The following JAK2 variants were observed in gnomAD, a reference collection of about 807,000 sequenced individuals.
The protein encoded by JAK2 is Janus kinase 2.
In JAK2, 86 loss-of-function variants were observed where a neutral mutation model predicts 139.3. That is an observed-to-expected ratio of 0.62 (90% CI 0.52 to 0.74). The LOEUF (loss-of-function observed/expected upper bound fraction) is 0.74. Among genes scored for constraint, JAK2 ranks in the 30% least tolerant of loss-of-function variants. The pLI, the probability that JAK2 is intolerant of heterozygous loss-of-function variation, is 0.00. For missense variants in JAK2, 1,421 were observed against 1,360.3 expected (o/e 1.04, Z -0.70); for synonymous variants, 490 against 437.7 (o/e 1.12, Z -1.49).
chr9:5,118,346 T>C (rs149300742), intron 22 of JAK2, among the ~76,000 whole-genome samples: 84 of 152,360 alleles, frequency 5.5e-4, no homozygotes, highest in African/African-American at 1.9e-3. Flanking sequence ...ATTTGGATAA[T>C]CTTATGATCA....
chr9:5,028,563 A>G (rs893467785), intron 3 of JAK2, among the ~76,000 whole-genome samples: 3 of 152,224 alleles, frequency 2.0e-5, no homozygotes, highest in African/African-American at 7.2e-5. Context: ...ACTTCTTTCT[A>G]GCTATGAAAC....
chr9:5,065,130 GA>G (rs200999582), intron 9 of JAK2, 90 bp downstream of exon 9: 14,313 of 776,790 alleles, frequency 0.018, 345 homozygotes, highest in Non-Finnish European at 0.017. Context: ...TGTATGTTTA[GA>G]AAAAAATAAT....
intron 22 of JAK2, among the ~76,000 whole-genome samples, chr9:5,101,257 A>G (rs1586795730): frequency 6.6e-6 from 1 of 152,318 alleles, no homozygotes; most frequent in Non-Finnish European, 1.5e-5. Context: ...CAGGTCCCAC[A>G]CCCACGGAGC....
chr9:5,097,398 A>C (rs1247185189), intron 22 of JAK2: 1 of 152,114 alleles, frequency 6.6e-6, no homozygotes, highest in Non-Finnish European at 1.5e-5. Context: ...TCCTTATTCT[A>C]TCAGGCTTTG....
chr9:5,023,122 T>C (rs114126924), intron 3 of JAK2, among the ~76,000 whole-genome samples: 67 of 152,350 alleles, frequency 4.4e-4, no homozygotes, highest in African/African-American at 1.5e-3. Context: ...TCTGTCTGTA[T>C]TTTTGTGCCC....
chr9:5,026,076 C>A (rs1349193997), intron 3 of JAK2, among the ~76,000 whole-genome samples: 1 of 152,112 alleles, frequency 6.6e-6, no homozygotes, highest in East Asian at 1.9e-4. Context: ...TTTGTTACTT[C>A]TCCCTATTGG....
intron 2 of JAK2, among the ~76,000 whole-genome samples, chr9:4,990,607 G>T (rs1563909114): frequency 6.6e-6 from 1 of 151,756 alleles, no homozygotes; most frequent in African/African-American, 2.4e-5. Flanking sequence ...AGGAGACAAA[G>T]AAAAAAACAG....
At chr9:5,053,007 T>C (rs1817525695) in intron 6 of JAK2, among the ~76,000 whole-genome samples, 1 of 152,052 alleles carries the variant, frequency 6.6e-6, no homozygotes, top group Non-Finnish European at 1.5e-5. Flanking sequence ...TTCTTGTGCA[T>C]ATATTTAGGA....
In JAK2 at chr9:5,106,167, A is replaced by G. The variant is rs560797020; in HGVS notation, c.3059+15256A>G. On this transcript the variant is annotated intron_variant, in intron 22 of 24. Transcript: ENST00000381652. ...AATTTTTGCAATCTACCCATCAGAC[A>G]AAGGGCTAATATCCAAAATCTACAA... Among the ~76,000 whole-genome samples the G allele has an allele frequency of 2.0e-5, 3 of 152,348 alleles. No homozygotes were observed. The South Asian group carries it at 6.2e-4, about 32-fold the overall frequency.
chr9:5,072,676 T>C, intron 13 of JAK2, 50 bp downstream of exon 13: 1 of 1,369,152 alleles, frequency 7.3e-7, no homozygotes, highest in Non-Finnish European at 9.8e-7. Flanking sequence ...TTTAAAGATG[T>C]GCTCTCATAT....
At chr9:5,075,958 T>C (rs1819281289) in intron 14 of JAK2, among the ~76,000 whole-genome samples, 1 of 152,040 alleles carries the variant, frequency 6.6e-6, no homozygotes, top group Non-Finnish European at 1.5e-5. Context: ...TTGGAAAAAG[T>C]TCATTCTAAC....
chr9:4,992,073 A>G (rs908951520), intron 2 of JAK2, among the ~76,000 whole-genome samples: 8 of 152,314 alleles, frequency 5.3e-5, no homozygotes, highest in African/African-American at 9.6e-5. Flanking sequence ...TTGCTCCACA[A>G]TGGCTACTAG....
intron 8 of JAK2, among the ~76,000 whole-genome samples, chr9:5,061,794 G>C (rs549718718): frequency 1.3e-5 from 2 of 152,270 alleles, no homozygotes; most frequent in South Asian, 4.1e-4. Context: ...TTCAGCGTGT[G>C]TTGGCTTTCA....
At chr9:4,988,079 T>A (rs1439138760) in intron 2 of JAK2, among the ~76,000 whole-genome samples, 1 of 152,218 alleles carries the variant, frequency 6.6e-6, no homozygotes, top group Non-Finnish European at 1.5e-5. Flanking sequence ...GTGTTGCCCC[T>A]ACCAATTATT....
chr9:4,996,203 G>A (rs1422910630), intron 2 of JAK2, among the ~76,000 whole-genome samples: 2 of 152,086 alleles, frequency 1.3e-5, no homozygotes, highest in African/African-American at 2.4e-5. Context: ...ATATTTTTAA[G>A]CTTTTTAAGT....
intron 5 of JAK2, among the ~76,000 whole-genome samples, chr9:5,048,213 C>T (rs12343374): frequency 0.24 from 35,912 of 151,890 alleles, 4,620 homozygotes; most frequent in South Asian, 0.31. Context: ...GTGATCTCGG[C>T]TCACTGCAAC....
intron 22 of JAK2, chr9:5,111,098 AC>A: frequency 8.2e-7 from 1 of 1,224,928 alleles, no homozygotes; most frequent in Non-Finnish European, 1.1e-6. Context: ...GGCAGCGGCG[AC>A]CAGAACAGCT....
intron 22 of JAK2, among the ~76,000 whole-genome samples, chr9:5,095,589 T>C (rs938176493): frequency 3.9e-5 from 6 of 152,158 alleles, no homozygotes; most frequent in Non-Finnish European, 8.8e-5. Flanking sequence ...CCCAGGGAAC[T>C]TCTCTAATGT....
intron 20 of JAK2, 78 bp downstream of exon 20, chr9:5,089,941 T>A: frequency 2.0e-6 from 2 of 1,002,184 alleles, no homozygotes; most frequent in Non-Finnish European, 2.7e-6. Context: ...TACAATGTCT[T>A]AACGATCTGG....
Sources: allele counts gnomAD v4.1 joint callset (sites outside exome capture counted in the v4.1 genomes callset), GRCh38; gene constraint gnomAD v4.1.1; transcripts MANE v1.5; gene names NCBI Gene and HGNC (gene_info 2026-07-23, HGNC 2026-07-21).